The following FOXN3 variants were observed in gnomAD, a reference collection of about 807,000 sequenced individuals.
The protein encoded by FOXN3 is forkhead box protein N3.
Under a neutral mutation model 38.4 loss-of-function variants are expected in FOXN3, and 7 were observed. That is an observed-to-expected ratio of 0.18 (90% CI 0.10 to 0.34). The LOEUF is 0.34. Among genes scored for constraint, FOXN3 ranks in the 10% least tolerant of loss-of-function variants. FOXN3 has a pLI of 1.00. For synonymous variants in FOXN3, 230 were observed against 242.2 expected, an observed-to-expected ratio of 0.95 and a Z score of 0.47; for missense variants, 456 against 613.4, an observed-to-expected ratio of 0.74 and a Z score of 2.71.
upstream of FOXN3, chr14:89,419,521 C>T (rs75563363): frequency 0.015 from 3,416 of 227,324 alleles, 58 homozygotes; most frequent in South Asian, 0.021. Context: ...ACACATTTAA[C>T]AGCCGAATTG....
rs1895211945 is a variant in FOXN3, at chr14:89,559,890, C to T, written c.-15+59138G>A. On this transcript the variant is annotated intron_variant, in intron 1 of 6. Coordinates refer to the FOXN3 transcript ENST00000345097. The stretch of plus-strand genomic sequence containing the variant: ...GATACACTTCAGGGGAGGAGGAGGT[C>T]TTCCAAAAACAGTGAGGGTCTGTGA... Among the ~76,000 whole-genome samples, 3 of 152,106 alleles carry T rather than the reference C, an allele frequency of 2.0e-5. 1 individual carries two copies. Among genetic ancestry groups the T allele is most frequent in the Middle Eastern group, 6.8e-3 (2 of 294 alleles).
At chr14:89,378,664 G>A (rs573429562) in intron 2 of FOXN3, among the ~76,000 whole-genome samples, 1 of 150,324 alleles carries the variant, frequency 6.7e-6, no homozygotes, top group East Asian at 1.9e-4. Context: ...GAAGAAAGGA[G>A]AAAGGCAGGG....
At chr14:89,200,006 G>A (rs1276233287) in intron 4 of FOXN3, among the ~76,000 whole-genome samples, 3 of 152,158 alleles carry the variant, frequency 2.0e-5, no homozygotes, top group Non-Finnish European at 1.5e-5. Context: ...AGGGGGTCCT[G>A]GAACCAATCC....
intron 4 of FOXN3, among the ~76,000 whole-genome samples, chr14:89,253,985 T>A (rs1303785041): frequency 6.6e-6 from 1 of 152,224 alleles, no homozygotes; most frequent in African/African-American, 2.4e-5. Flanking sequence ...GCCTGTATTC[T>A]GCACCCTGTA....
chr14:89,388,505 C>T (rs1890852671), intron 2 of FOXN3, among the ~76,000 whole-genome samples: 1 of 152,112 alleles, frequency 6.6e-6, no homozygotes, highest in South Asian at 2.1e-4. Context: ...ATGAATGCGC[C>T]ATTGACTTAC....
chr14:89,273,050 C>T (rs1886197535), intron 4 of FOXN3, among the ~76,000 whole-genome samples: 1 of 152,314 alleles, frequency 6.6e-6, no homozygotes, highest in South Asian at 2.1e-4. Flanking sequence ...TCGGACTGAG[C>T]CGCTGCTTCT....
intron 3 of FOXN3, among the ~76,000 whole-genome samples, chr14:89,288,535 A>G (rs978828567): frequency 1.6e-4 from 8 of 48,854 alleles, no homozygotes; most frequent in African/African-American, 3.7e-4. Context: ...GATGTTTACT[A>G]TCAACATTAT....
At chr14:89,565,418 T>C (rs1224463437) in intron 1 of FOXN3, among the ~76,000 whole-genome samples, 1 of 152,130 alleles carries the variant, frequency 6.6e-6, no homozygotes, top group Non-Finnish European at 1.5e-5. Flanking sequence ...TGGCTTCATG[T>C]CCACTTTTAA....
intron 3 of FOXN3, among the ~76,000 whole-genome samples, chr14:89,311,370 G>C (rs1887540694): frequency 6.7e-6 from 1 of 150,368 alleles, no homozygotes; most frequent in African/African-American, 2.5e-5. Flanking sequence ...TACTCGGGAG[G>C]CTGAGGCAGG....
At chr14:89,534,115 T>C (rs1041248631) in intron 1 of FOXN3, among the ~76,000 whole-genome samples, 1 of 126,468 alleles carries the variant, frequency 7.9e-6, no homozygotes, top group Non-Finnish European at 1.8e-5. Flanking sequence ...TTTTTTTTTT[T>C]TTTTTTTTGA....
intron 2 of FOXN3, chr14:89,355,086 A>G (rs529261530): frequency 6.6e-4 from 100 of 151,996 alleles, no homozygotes; most frequent in African/African-American, 2.3e-3. Context: ...TTCTTTTAAA[A>G]TTAAAAACCA....
chr14:89,187,897 G>A (rs1157421765), intron 4 of FOXN3, among the ~76,000 whole-genome samples: 1 of 152,188 alleles, frequency 6.6e-6, no homozygotes, highest in Admixed American at 6.5e-5. Context: ...TTGACCTCCA[G>A]GGCATTGAAC....
chr14:89,318,594 G>A (rs916673556), intron 3 of FOXN3, among the ~76,000 whole-genome samples: 6 of 152,178 alleles, frequency 3.9e-5, no homozygotes, highest in Middle Eastern at 3.2e-3. Flanking sequence ...TTGGCTAACC[G>A]TTATCAAGCA....
chr14:89,429,971 T>C (rs1693382415), intron 1 of FOXN3, among the ~76,000 whole-genome samples: 1 of 152,238 alleles, frequency 6.6e-6, no homozygotes, highest in Non-Finnish European at 1.5e-5. Context: ...TCACATTCGT[T>C]CTTCTGTTTA....
chr14:89,192,370 C>T (rs1188738868), intron 4 of FOXN3, among the ~76,000 whole-genome samples: 1 of 143,968 alleles, frequency 6.9e-6, no homozygotes, highest in Non-Finnish European at 1.5e-5. Flanking sequence ...TATATATTAA[C>T]TATTTTATAT....
chr14:89,304,403 G>A (rs1011410536), intron 3 of FOXN3, among the ~76,000 whole-genome samples: 2 of 152,178 alleles, frequency 1.3e-5, no homozygotes, highest in Non-Finnish European at 2.9e-5. Context: ...AGACAGGAGA[G>A]AGATGTTTGT....
intron 4 of FOXN3, among the ~76,000 whole-genome samples, chr14:89,209,221 A>C (rs1006517936): frequency 1.3e-5 from 2 of 152,236 alleles, no homozygotes; most frequent in Non-Finnish European, 2.9e-5. Context: ...CGTTAATTCC[A>C]GTTCTTGCTT....
intron 5 of FOXN3, among the ~76,000 whole-genome samples, chr14:89,179,129 AG>A (rs1207976244): frequency 6.6e-6 from 1 of 152,252 alleles, no homozygotes; most frequent in African/African-American, 2.4e-5. Flanking sequence ...GAGAGTAGCC[AG>A]GAAAGATACC....
At chr14:89,389,692 T>C (rs1327407505) in intron 2 of FOXN3, among the ~76,000 whole-genome samples, 4 of 152,092 alleles carry the variant, frequency 2.6e-5, no homozygotes, top group South Asian at 2.1e-4. Context: ...TGGCTAGAAA[T>C]AGTCACTTGT....
Sources: gnomAD v4.1 joint callset for allele counts (sites outside exome capture counted in the v4.1 genomes callset) on GRCh38, gnomAD v4.1.1 for gene constraint, MANE v1.5 for transcripts, NCBI Gene and HGNC (gene_info 2026-07-23, HGNC 2026-07-21) for gene names.